ANXA7: variants seen among roughly 807,000 people sequenced by gnomAD.
The protein encoded by ANXA7 is annexin A7.
ANXA7 carries 55 observed loss-of-function variants against 64.9 expected under a neutral mutation model. The ratio of observed to expected loss-of-function variants is 0.85; its 90% confidence interval spans 0.68 to 1.06. The LOEUF is 1.06. Among genes scored for constraint, ANXA7 ranks in the 50% least tolerant of loss-of-function variants. ANXA7 has a pLI of 0.00. For missense variants in ANXA7, 548 were observed against 582.1 expected (o/e 0.94, Z 0.60); for synonymous variants, 200 against 192.4 (o/e 1.04, Z -0.33).
At chr10:73,396,192 C>T (rs2055572441) in intron 5 of ANXA7, 1 of 880,904 alleles carries the variant, frequency 1.1e-6, no homozygotes, top group Non-Finnish European at 1.8e-6. Flanking sequence ...ATACCAATCA[C>T]CCAGCCACCC....
chr10:73,384,800 A>G (rs765340992), intron 7 of ANXA7, among the ~76,000 whole-genome samples: 2 of 152,174 alleles, frequency 1.3e-5, no homozygotes, highest in Non-Finnish European at 2.9e-5. Flanking sequence ...TAAGTAATAG[A>G]GAAAGTTGAA....
intron 6 of ANXA7, among the ~76,000 whole-genome samples, chr10:73,388,051 C>T (rs187836975): frequency 6.2e-4 from 94 of 152,070 alleles, no homozygotes; most frequent in African/African-American, 2.2e-3. Flanking sequence ...GATGGAGTTT[C>T]GCCATGTTGG....
At chr10:73,381,981 C>T (rs566647097) in intron 9 of ANXA7, among the ~76,000 whole-genome samples, 19 of 152,012 alleles carry the variant, frequency 1.2e-4, no homozygotes, top group Admixed American at 3.3e-4. Flanking sequence ...CGGGTTCAAG[C>T]GATTCTGCTG....
chr10:73,395,984 A>C (rs905635461), intron 5 of ANXA7: 1 of 1,054,496 alleles, frequency 9.5e-7, no homozygotes, highest in African/African-American at 1.6e-5. Context: ...CATGAGAATC[A>C]GAAACAAAGG....
At position 73,383,692 on chromosome 10, in the gene ANXA7, T is replaced by G; in HGVS notation, c.634-2A>C. On this transcript the variant is annotated splice_acceptor_variant, in intron 7 of 12. Coordinates refer to ENST00000372921, the MANE Select transcript of ANXA7 (RefSeq NM_001156.5). LOFTEE classifies it high-confidence loss of function. ...TGATTTGAGATCTTTGATTAAATCC[T>G]ATTTAATCACAAATACAAGCTAAGT... is the stretch of plus-strand genomic sequence containing the variant. 1.3e-6 allele frequency: 2 copies of G among 1,564,172 alleles called. No homozygotes were observed. Among genetic ancestry groups the G allele is most frequent in the Non-Finnish European group, 1.8e-6 (2 of 1,135,304 alleles).
chr10:73,400,941 T>G (rs1187680795), intron 1 of ANXA7, 84 bp from the exon 2 acceptor site: 3 of 1,201,128 alleles, frequency 2.5e-6, no homozygotes, highest in Non-Finnish European at 3.5e-6. Flanking sequence ...GGAGTCTCAC[T>G]CTGTCACCAG....
At chr10:73,401,837 C>T (rs1207742927) in intron 1 of ANXA7, among the ~76,000 whole-genome samples, 1 of 152,168 alleles carries the variant, frequency 6.6e-6, no homozygotes, top group Non-Finnish European at 1.5e-5. Flanking sequence ...CAGTCCTCAC[C>T]AGATGCCAGC....
At chr10:73,397,588 G>A (rs2055596523) in intron 3 of ANXA7, among the ~76,000 whole-genome samples, 1 of 152,132 alleles carries the variant, frequency 6.6e-6, no homozygotes, top group African/African-American at 2.4e-5. Context: ...CTCCCAGGTA[G>A]GTGGGATTAC....
chr10:73,376,591 G>C (rs1256165917), intron 12 of ANXA7, among the ~76,000 whole-genome samples: 1 of 152,220 alleles, frequency 6.6e-6, no homozygotes, highest in Non-Finnish European at 1.5e-5. Flanking sequence ...AGCTGCTGTG[G>C]AAACTAATAT....
chr10:73,390,218 G>T (rs1017385248), intron 5 of ANXA7, among the ~76,000 whole-genome samples: 2 of 152,132 alleles, frequency 1.3e-5, no homozygotes, highest in Admixed American at 1.3e-4. Context: ...AACAGAAACT[G>T]TATTTAAAGT....
chr10:73,389,624 C>G (rs1157456607), intron 5 of ANXA7, among the ~76,000 whole-genome samples: 1 of 151,778 alleles, frequency 6.6e-6, no homozygotes, highest in African/African-American at 2.4e-5. Context: ...CAATAGTTTC[C>G]CCCAATTTTT....
intron 8 of ANXA7, 56 bp downstream of exon 8, chr10:73,383,521 C>T (rs879120806): frequency 4.9e-5 from 69 of 1,408,568 alleles, no homozygotes; most frequent in Non-Finnish European, 5.7e-5. Flanking sequence ...ATAATTTGTA[C>T]GGTTTTACAT....
At chr10:73,396,037 TACTC>T (rs767683784) in intron 5 of ANXA7, 1 of 1,558,760 alleles carries the variant, frequency 6.4e-7, no homozygotes, top group South Asian at 1.1e-5. Context: ...TAGAAAACCT[TACTC>T]ACTTCACTGC....
chr10:73,402,554 C>T (rs1048694113), intron 1 of ANXA7, among the ~76,000 whole-genome samples: 5 of 152,152 alleles, frequency 3.3e-5, no homozygotes, highest in East Asian at 1.9e-4. Context: ...ATTTGACACA[C>T]GTTAGGTCCA....
rs571469555 is a variant in ANXA7, at chr10:73,401,275, C to A, written c.-1-418G>T. On this transcript the variant is annotated intron_variant, in intron 1 of 12. Coordinates refer to ENST00000372921, the MANE Select transcript of ANXA7 (RefSeq NM_001156.5). ...CACACACATACACAACACACACACA[C>A]ACACACACACAAGGTTTTATGCAAA... Among the ~76,000 whole-genome samples the A allele has an allele frequency of 2.0e-5, 3 of 151,000 alleles. No homozygotes were observed. In the South Asian group the frequency reaches 6.2e-4, roughly 31 times the overall value.
intron 5 of ANXA7, chr10:73,395,958 T>A: frequency 1.2e-6 from 1 of 845,310 alleles, no homozygotes; most frequent in Non-Finnish European, 2.0e-6. Flanking sequence ...CCTTAAGAAG[T>A]AGTGAGAGAC....
chr10:73,386,214 T>TAAAAAA (rs377002771), intron 7 of ANXA7, among the ~76,000 whole-genome samples: 2 of 83,392 alleles, frequency 2.4e-5, no homozygotes, highest in Non-Finnish European at 2.8e-5. Context: ...CAAAAAAAAG[T>TAAAAAA]AAAAAAAAAA....
chr10:73,404,996 C>G (rs1589665106), intron 1 of ANXA7, among the ~76,000 whole-genome samples: 1 of 151,724 alleles, frequency 6.6e-6, no homozygotes, highest in African/African-American at 2.4e-5. Context: ...CGCCTGTAAT[C>G]CCAACACTTT....
At position 73,383,328 on chromosome 10, in the gene ANXA7, T is replaced by A. The variant is rs777358031; in HGVS notation, c.765A>T (p.Glu255Asp). 2.2e-4 allele frequency: 361 copies of A among 1,613,210 alleles called. No individual in the cohort carries two copies. Among genetic ancestry groups the A allele is most frequent in the Non-Finnish European group, 2.9e-4 (347 of 1,179,496 alleles). The change falls in exon 9 of 13, where the codon GAA becomes GAT. Residue 255 changes from glutamate (E) to aspartate (D), a missense_variant. Transcript: ENST00000372921. ...TGCACAAAATCTCAATCAATACACG[T>A]TCCTGAGTTCCTGCTCCCTACATGA... The part of the protein sequence containing the change: ...RKAMQGAGTQ[E>D]RVLIEILCTR...
Sources: gnomAD v4.1 joint callset for allele counts (sites outside exome capture counted in the v4.1 genomes callset) on GRCh38, gnomAD v4.1.1 for gene constraint, MANE v1.5 for transcripts, NCBI Gene and HGNC (gene_info 2026-07-23, HGNC 2026-07-21) for gene names.